Variants in MTUS2 observed in about 807,000 individuals in gnomAD.
MTUS2 encodes microtubule associated scaffold protein 2.
A neutral mutation model predicts 114.1 loss-of-function variants in MTUS2; 40 were observed. That is an observed-to-expected ratio of 0.35 (90% CI 0.27 to 0.46). The LOEUF (loss-of-function observed/expected upper bound fraction) is 0.46, where lower values mean the gene tolerates loss of function less well. Ranked by LOEUF, MTUS2 falls within the 20% of genes least tolerant of loss-of-function variation. MTUS2 has a pLI of 1.00. For missense variants in MTUS2, 1,679 were observed against 1,705.4 expected, an observed-to-expected ratio of 0.98 and a Z score of 0.27; for synonymous variants, 688 against 672.0, an observed-to-expected ratio of 1.02 and a Z score of -0.37.
In MTUS2 at chr13:29,497,286, G is replaced by A. The variant is rs780414658; in HGVS notation, c.3628G>A (p.Ala1210Thr). Reference protein sequence around the residue: ...TFQSQSLRDRARRFEEALRKN... With the variant: ...TFQSQSLRDRTRRFEEALRKN... ...CCAGAGCCAGTCTCTGCGGGACAGA[G>A]CCCGCCGCTTCGAAGAGGCCTTGAG... The change falls in exon 13 of 16, where the codon GCC becomes ACC. Residue 1210 changes from alanine to threonine, a missense_variant. Ala to Thr is a moderately conservative substitution (Grantham distance 58). This residue lies in a region of MTUS2 where 822 missense variants were observed against 899.7 expected (regional missense o/e 0.91). Transcript: ENST00000612955. 2.5e-6 allele frequency: 4 copies of A among 1,611,928 alleles called. No individual in the cohort carries two copies. Among genetic ancestry groups the A allele is most frequent in the Non-Finnish European group, 1.7e-6 (2 of 1,179,910 alleles).
Position 29,151,345 on chromosome 13 carries a change from G to A in MTUS2, c.2644+50375G>A, listed in dbSNP as rs566104395. ...TATTGATTTGGCTCTCAGCTCAAAT[G>A]TTATTGATATATAAAAATACCACCG... On this transcript the variant is annotated intron_variant, in intron 5 of 15. Transcript: ENST00000612955. 1.2e-4 allele frequency among the ~76,000 whole-genome samples: 18 copies of A among 152,230 alleles called. 1 individual carries two copies. The highest frequency in any genetic ancestry group is 4.3e-4 in the African/African-American group (18 of 41,570).
chr13:28,931,607 G>A (rs114638262), intron 2 of MTUS2, among the ~76,000 whole-genome samples: 1,644 of 152,104 alleles, frequency 0.011, 30 homozygotes, highest in African/African-American at 0.038. Context: ...TAAATTCCTC[G>A]GTCTCCAGAA....
chr13:28,938,448 G>A (rs1882043651), intron 2 of MTUS2, among the ~76,000 whole-genome samples: 1 of 151,866 alleles, frequency 6.6e-6, no homozygotes, highest in Non-Finnish European at 1.5e-5. Context: ...ATAGTCTTAT[G>A]ATTATTGTTG....
At chr13:29,140,314 CAG>C (rs1264728244) in intron 5 of MTUS2, among the ~76,000 whole-genome samples, 1 of 152,176 alleles carries the variant, frequency 6.6e-6, no homozygotes, top group African/African-American at 2.4e-5. Context: ...GATCTTCTCA[CAG>C]GGGTGACCTG....
At chr13:29,366,032 A>G (rs1265145967) in intron 8 of MTUS2, among the ~76,000 whole-genome samples, 1 of 152,214 alleles carries the variant, frequency 6.6e-6, no homozygotes, top group Non-Finnish European at 1.5e-5. Context: ...CTAAGGGTCC[A>G]GTTTCAAGGA....
At chr13:28,930,640 TAGG>T (rs1881565810) in intron 2 of MTUS2, among the ~76,000 whole-genome samples, 1 of 152,214 alleles carries the variant, frequency 6.6e-6, no homozygotes, top group South Asian at 2.1e-4. Flanking sequence ...CAGGCACTGA[TAGG>T]AGGTTTTAAT....
chr13:29,070,399 C>T (rs147633504), intron 4 of MTUS2, among the ~76,000 whole-genome samples: 164 of 152,196 alleles, frequency 1.1e-3, no homozygotes, highest in African/African-American at 3.7e-3. Context: ...CTGTAGTCTG[C>T]ATTTACTAGA....
chr13:28,882,408 C>T (rs962430558), intron 2 of MTUS2, among the ~76,000 whole-genome samples: 9 of 151,990 alleles, frequency 5.9e-5, no homozygotes, highest in Admixed American at 3.3e-4. Context: ...GATATAACAC[C>T]GAAAGCATGG....
chr13:29,468,263 A>G (rs920504702), intron 9 of MTUS2, among the ~76,000 whole-genome samples: 2 of 151,762 alleles, frequency 1.3e-5, no homozygotes, highest in African/African-American at 4.8e-5. Flanking sequence ...TGGCAGAATA[A>G]CAATATTTTT....
intron 2 of MTUS2, among the ~76,000 whole-genome samples, chr13:28,848,897 C>G (rs1278313473): frequency 6.6e-6 from 1 of 152,180 alleles, no homozygotes; most frequent in African/African-American, 2.4e-5. Flanking sequence ...GCTCATCATC[C>G]TGTAATGCAT....
At chr13:28,835,233 C>T (rs1456690663) in intron 1 of MTUS2, among the ~76,000 whole-genome samples, 1 of 152,066 alleles carries the variant, frequency 6.6e-6, no homozygotes, top group East Asian at 1.9e-4. Flanking sequence ...TACATAGGAG[C>T]CTCAAACTGG....
intron 5 of MTUS2, among the ~76,000 whole-genome samples, chr13:29,230,530 C>G (rs1210783993): frequency 6.6e-6 from 1 of 152,222 alleles, no homozygotes; most frequent in African/African-American, 2.4e-5. Context: ...GCTGTTATTG[C>G]TCTCTAATAC....
At chr13:29,029,332 G>A (rs756484815) in intron 3 of MTUS2, among the ~76,000 whole-genome samples, 4 of 152,208 alleles carry the variant, frequency 2.6e-5, no homozygotes, top group Non-Finnish European at 4.4e-5. Flanking sequence ...CAATGAGAAC[G>A]TGTTCTGGCT....
In MTUS2 at chr13:29,389,741, ATATACATACATATGTGTGTATATG is replaced by A. The variant is rs1380868200; in HGVS notation, c.3117+30273_3117+30296del. Among the ~76,000 whole-genome samples the A allele has an allele frequency of 1.6e-4, 9 of 58,058 alleles. 1 individual carries two copies. Among genetic ancestry groups the A allele is most frequent in the Non-Finnish European group, 2.8e-4 (8 of 28,374 alleles). 38.1% of individuals were successfully genotyped at this position (58,058 alleles called of 152,430 possible). ...TATACATACATATGTGTGTATATGT[ATATACATACATATGTGTGTATATG>A]TATATACATACATATGTGTGTATAT... On this transcript the variant is annotated intron_variant, in intron 8 of 15. Coordinates refer to ENST00000612955, the MANE Select transcript of MTUS2 (RefSeq NM_001033602.4).
intron 5 of MTUS2, among the ~76,000 whole-genome samples, chr13:29,227,486 C>T (rs1250012038): frequency 6.6e-6 from 1 of 152,190 alleles, no homozygotes; most frequent in Non-Finnish European, 1.5e-5. Flanking sequence ...TTTGGCTTCT[C>T]TTCCTGCCAG....
intron 2 of MTUS2, among the ~76,000 whole-genome samples, chr13:28,896,346 G>A (rs1176741755): frequency 1.3e-5 from 2 of 152,152 alleles, no homozygotes; most frequent in Non-Finnish European, 2.9e-5. Flanking sequence ...ACTTACAAGG[G>A]ACGTGAAGGA....
At chr13:29,223,697 A>G (rs1324902470) in intron 5 of MTUS2, among the ~76,000 whole-genome samples, 1 of 152,214 alleles carries the variant, frequency 6.6e-6, no homozygotes, top group African/African-American at 2.4e-5. Flanking sequence ...CTGTAACACA[A>G]ACAGGCTGAA....
intron 8 of MTUS2, among the ~76,000 whole-genome samples, chr13:29,402,716 C>G (rs554488627): frequency 6.6e-6 from 1 of 152,218 alleles, no homozygotes; most frequent in South Asian, 2.1e-4. Context: ...TTTTTCACTT[C>G]CCTGTATTTC....
intron 5 of MTUS2, among the ~76,000 whole-genome samples, chr13:29,103,525 C>A (rs1417531426): frequency 6.6e-6 from 1 of 152,126 alleles, no homozygotes; most frequent in East Asian, 1.9e-4. Context: ...ATGAAGCTTG[C>A]AGGAGTGGAA....
Sources: allele counts gnomAD v4.1 joint callset (sites outside exome capture counted in the v4.1 genomes callset), GRCh38; gene constraint gnomAD v4.1.1; regional missense constraint gnomAD v4.1.1; transcripts MANE v1.5; gene names NCBI Gene and HGNC (gene_info 2026-07-23, HGNC 2026-07-21).